Variants in PIK3CB observed in about 807,000 individuals in gnomAD.
PIK3CB encodes the protein phosphatidylinositol 4,5-bisphosphate 3-kinase catalytic subunit beta isoform.
Under a neutral mutation model 136.8 loss-of-function variants are expected in PIK3CB, and 39 were observed. That is an observed-to-expected ratio of 0.29 (90% CI 0.22 to 0.37). The LOEUF (loss-of-function observed/expected upper bound fraction) is 0.37, where lower values mean the gene tolerates loss of function less well. Among genes scored for constraint, PIK3CB ranks in the 10% least tolerant of loss-of-function variants. The pLI, the probability that PIK3CB is intolerant of heterozygous loss-of-function variation, is 1.00. For synonymous variants in PIK3CB, 428 were observed against 436.6 expected, an observed-to-expected ratio of 0.98 and a Z score of 0.25; for missense variants, 868 against 1,275.4, an observed-to-expected ratio of 0.68 and a Z score of 4.87.
At chr3:138,787,825 C>T (rs981967876) in intron 2 of PIK3CB, among the ~76,000 whole-genome samples, 3 of 151,210 alleles carry the variant, frequency 2.0e-5, no homozygotes, top group South Asian at 2.1e-4. Context: ...AACATGGACA[C>T]GGTCCCTGAA....
At chr3:138,791,743 A>G (rs1156367330) in intron 2 of PIK3CB, among the ~76,000 whole-genome samples, 1 of 152,086 alleles carries the variant, frequency 6.6e-6, no homozygotes, top group Non-Finnish European at 1.5e-5. Context: ...TCCCCACCCT[A>G]TCCAAAATAC....
intron 13 of PIK3CB, among the ~76,000 whole-genome samples, chr3:138,697,241 T>G (rs2044156761): frequency 6.6e-6 from 1 of 152,190 alleles, no homozygotes; most frequent in African/African-American, 2.4e-5. Context: ...TTGTTTTCCA[T>G]TACTGAAGGT....
intron 8 of PIK3CB, among the ~76,000 whole-genome samples, chr3:138,730,846 C>A (rs560541225): frequency 6.6e-6 from 1 of 152,068 alleles, no homozygotes; most frequent in African/African-American, 2.4e-5. Context: ...GTAGGAGGAT[C>A]GCTTGAGACC....
At chr3:138,782,831 T>A (rs1280961739) in intron 2 of PIK3CB, among the ~76,000 whole-genome samples, 1 of 152,140 alleles carries the variant, frequency 6.6e-6, no homozygotes, top group Non-Finnish European at 1.5e-5. Context: ...GTTCCACGAG[T>A]GAGAAATAAA....
In PIK3CB at chr3:138,781,971, C is replaced by T. The variant is rs2045928621; in HGVS notation, c.-17+14492G>A. Among the ~76,000 whole-genome samples, 4 of 152,334 alleles carry T rather than the reference C, an allele frequency of 2.6e-5. 1 individual carries two copies. The highest frequency in any genetic ancestry group is 9.6e-5 in the African/African-American group (4 of 41,580). ...AATTCCTATTACCCAACTTTGGTTA[C>T]AAAACTATCAAGACAATTTCCTTGC... On this transcript the variant is annotated intron_variant, in intron 2 of 23. Transcript: ENST00000674063.
At chr3:138,766,384 A>G (rs1361311442) in intron 2 of PIK3CB, among the ~76,000 whole-genome samples, 1 of 152,184 alleles carries the variant, frequency 6.6e-6, no homozygotes, top group African/African-American at 2.4e-5. Flanking sequence ...TTTATGTTTT[A>G]TGTACTTTTC....
At chr3:138,753,821 T>A (rs982838513) in intron 4 of PIK3CB, among the ~76,000 whole-genome samples, 8 of 151,858 alleles carry the variant, frequency 5.3e-5, no homozygotes, top group Non-Finnish European at 1.0e-4. Flanking sequence ...GAAAAAAAAA[T>A]CAAAAAGAAC....
intron 2 of PIK3CB, among the ~76,000 whole-genome samples, chr3:138,776,698 A>AAAACAAACAAACAAAC (rs373365770): frequency 2.6e-5 from 4 of 151,570 alleles, no homozygotes; most frequent in African/African-American, 9.7e-5. Context: ...CCTGTCTCAA[A>AAAACAAACAAACAAAC]AAACAAACAA....
At chr3:138,757,511 A>G (rs555493618) in intron 3 of PIK3CB, among the ~76,000 whole-genome samples, 1 of 151,500 alleles carries the variant, frequency 6.6e-6, no homozygotes, top group African/African-American at 2.4e-5. Flanking sequence ...ACACACACAC[A>G]CACACACACA....
intron 19 of PIK3CB, among the ~76,000 whole-genome samples, chr3:138,681,077 C>T (rs2043768607): frequency 7.2e-6 from 1 of 139,120 alleles, no homozygotes; most frequent in African/African-American, 2.7e-5. Context: ...GACAGAGTCT[C>T]ACTTTGTCAT....
At position 138,664,045 on chromosome 3, in the gene PIK3CB, G is replaced by C. The variant is rs1453543204; in HGVS notation, c.2673-16C>G. 1 of 1,610,742 alleles carries C rather than the reference G, an allele frequency of 6.2e-7. No individual in the cohort carries two copies. The highest frequency in any genetic ancestry group is 2.2e-5 in the East Asian group (1 of 44,834). On this transcript the variant is annotated splice_polypyrimidine_tract_variant and intron_variant, in intron 20 of 23. Transcript: ENST00000674063. The stretch of plus-strand genomic sequence containing the variant: ...CAGGTCATCCCTGAACAAGAGAAAA[G>C]AACAGAAGCAAAAAAGGTTTTCAGC...
At chr3:138,708,234 T>G (rs1384993499) in intron 10 of PIK3CB, among the ~76,000 whole-genome samples, 1 of 151,396 alleles carries the variant, frequency 6.6e-6, no homozygotes, top group African/African-American at 2.4e-5. Flanking sequence ...AAATATTTTC[T>G]CACCTCACGG....
At position 138,785,680 on chromosome 3, in the gene PIK3CB, G is replaced by A. The variant is rs13091231; in HGVS notation, c.-17+10783C>T. Among the ~76,000 whole-genome samples, 1,053 of 152,066 alleles carry A rather than the reference G, an allele frequency of 6.9e-3. 9 individuals carry two copies. The highest frequency in any genetic ancestry group is 0.014 in the Middle Eastern group (4 of 290). ...AAGTACCCAGGGACGCAAACGCTGC[G>A]GAAGGAAGCAGGCAGGGCCCTCTGC... On this transcript the variant is annotated intron_variant, in intron 2 of 23. Coordinates refer to ENST00000674063, the MANE Select transcript of PIK3CB (RefSeq NM_006219.3).
chr3:138,686,637 G>A (rs535609325), intron 16 of PIK3CB, among the ~76,000 whole-genome samples: 66 of 152,130 alleles, frequency 4.3e-4, no homozygotes, highest in African/African-American at 1.2e-3. Flanking sequence ...AAAGTATACC[G>A]TAACAAGCAT....
chr3:138,695,931 ATTTTTT>A (rs34470924), intron 13 of PIK3CB, among the ~76,000 whole-genome samples: 50 of 90,812 alleles, frequency 5.5e-4, no homozygotes, highest in South Asian at 3.2e-3. Flanking sequence ...AATTTTTTGT[ATTTTTT>A]TTTTTTTTTT....
intron 1 of PIK3CB, among the ~76,000 whole-genome samples, chr3:138,820,602 T>C (rs918048699): frequency 1.3e-5 from 2 of 152,208 alleles, no homozygotes; most frequent in Non-Finnish European, 2.9e-5. Flanking sequence ...TAAGCAATTC[T>C]CCTGCCTCGG....
intron 19 of PIK3CB, among the ~76,000 whole-genome samples, chr3:138,667,150 A>C (rs2043427929): frequency 6.8e-6 from 1 of 146,356 alleles, no homozygotes; most frequent in South Asian, 2.3e-4. Flanking sequence ...CGGAGGTTGC[A>C]GTAAGCCGAG....
chr3:138,682,140 T>A lies in PIK3CB; in HGVS notation c.2426-95A>T, dbSNP rs975166773. ...CTAACTCAGAATTAACTAAAAACAT[T>A]AACAAACTCTGTGCTAATATTTTCA... is the stretch of plus-strand genomic sequence containing the variant. On this transcript the variant is annotated intron_variant, in intron 18 of 23. Coordinates refer to ENST00000674063, the MANE Select transcript of PIK3CB (RefSeq NM_006219.3). 3 of 702,762 alleles carry A rather than the reference T, an allele frequency of 4.3e-6. No individual in the cohort carries two copies. The Admixed American group carries it at 8.0e-5, about 19-fold the overall frequency. The allele number at this position is 702,762 out of a possible 1,614,324, so 43.5% of individuals were successfully genotyped here.
Position 138,750,903 on chromosome 3 carries a change from A to G in PIK3CB, c.397+4851T>C, listed in dbSNP as rs561249535. ...CACTTCCCACTGGATTGTGAGGTCT[A>G]AGCAGAGACCATATCACCCACGGTC... On this transcript the variant is annotated intron_variant, in intron 4 of 23. Transcript: ENST00000674063. 3.9e-5 allele frequency among the ~76,000 whole-genome samples: 6 copies of G among 152,354 alleles called. No individual in the cohort carries two copies. The East Asian group carries it at 1.2e-3, about 29-fold the overall frequency.
Sources: gnomAD v4.1 joint callset for allele counts (sites outside exome capture counted in the v4.1 genomes callset) on GRCh38, gnomAD v4.1.1 for gene constraint, MANE v1.5 for transcripts, NCBI Gene and HGNC (gene_info 2026-07-23, HGNC 2026-07-21) for gene names.